The following AZI2 variants were observed in gnomAD, a reference collection of about 807,000 sequenced individuals.
The protein encoded by AZI2 is 5-azacytidine-induced protein 2.
A neutral mutation model predicts 45.8 loss-of-function variants in AZI2; 22 were observed. That is an observed-to-expected ratio of 0.48 (90% CI 0.34 to 0.69). The LOEUF is 0.69. Ranked by LOEUF, AZI2 falls within the 30% of genes least tolerant of loss-of-function variation. The pLI is 0.01. For synonymous variants in AZI2, 137 were observed against 156.7 expected (o/e 0.87, Z 0.94); for missense variants, 417 against 441.5 (o/e 0.94, Z 0.50).
chr3:28,323,962 T>A lies in AZI2; in HGVS notation c.*80A>T, dbSNP rs185304972. The A allele has an allele frequency of 1.4e-4, 201 of 1,450,666 alleles. 3 individuals carry two copies. In the African/African-American group the frequency reaches 2.5e-3, roughly 18 times the overall value. The allele number at this position is 1,450,666 out of a possible 1,614,324, so 89.9% of individuals were successfully genotyped here. A position where few individuals can be genotyped will look rare whatever the true frequency, so the allele number is the denominator to read the frequency against. On this transcript the variant is annotated 3_prime_UTR_variant, in exon 8 of 8. Transcript: ENST00000479665. The stretch of plus-strand genomic sequence containing the variant: ...GCAAAATTTTAATCAAAATCTCCTT[T>A]CAGTTTGTTAAATAATTTCTTGGGA...
intron 6 of AZI2, chr3:28,332,100 C>T: frequency 1.6e-6 from 1 of 613,538 alleles, no homozygotes; most frequent in Non-Finnish European, 2.8e-6. Flanking sequence ...AATACCTCCA[C>T]ATAGCTAGTT....
At chr3:28,337,100 A>C (rs1703824786) in intron 4 of AZI2, 1 of 501,092 alleles carries the variant, frequency 2.0e-6, no homozygotes, top group Non-Finnish European at 3.4e-6. Context: ...GAATTTCTAA[A>C]GACAACTACA....
intron 4 of AZI2, 174 bp from the exon 5 acceptor site, chr3:28,337,059 G>T: frequency 3.3e-6 from 2 of 598,104 alleles, no homozygotes; most frequent in Non-Finnish European, 5.3e-6. Context: ...TCTATGCTAA[G>T]GAGAATGAGA....
At chr3:28,329,847 A>T (rs763387154) in intron 6 of AZI2, among the ~76,000 whole-genome samples, 3 of 151,192 alleles carry the variant, frequency 2.0e-5, no homozygotes, top group Non-Finnish European at 4.4e-5. Context: ...CCCAAAGAAA[A>T]CAAGTTCTAA....
rs1703282155 is a variant in AZI2 at position 28,324,007 on chromosome 3, G to C, written c.*35C>G. The C allele has an allele frequency of 1.3e-6, 2 of 1,554,420 alleles. No homozygotes were observed. The highest frequency in any genetic ancestry group is 8.8e-7 in the Non-Finnish European group (1 of 1,141,402). ...TTGGGAGGACCACTGAAAGAGATAA[G>C]TGTCCTCATGGTGAAATCGTGAATC... On this transcript the variant is annotated 3_prime_UTR_variant, in exon 8 of 8. Transcript: ENST00000479665.
Position 28,321,183 on chromosome 3 carries a change from G to C in AZI2, c.*2859C>G, listed in dbSNP as rs1703175824. 6.6e-6 allele frequency: 1 copy of C among 151,372 alleles called. No individual in the cohort carries two copies. The highest frequency in any genetic ancestry group is 2.4e-5 in the African/African-American group (1 of 41,326). 9.4% of individuals were successfully genotyped at this position (151,372 alleles called of 1,614,324 possible). A position where few individuals can be genotyped will look rare whatever the true frequency, so the allele number is the denominator to read the frequency against. On this transcript the variant is annotated 3_prime_UTR_variant, in exon 8 of 8. Transcript: ENST00000479665. ...AAAGCAAAGCAAATATAGAAATCTA[G>C]AGACCACACAGCATAGGGGCAAACA...
At chr3:28,340,296 A>T in intron 2 of AZI2, 106 bp downstream of exon 2, 1 of 778,590 alleles carries the variant, frequency 1.3e-6, no homozygotes, top group South Asian at 1.9e-5. Context: ...TATTCTTGGA[A>T]ATTTAGTACA....
rs936580214 is a variant in AZI2 at position 28,323,582 on chromosome 3, CTT to C, written c.*458_*459del. ...TTTTATTTCATTATATTTTCAATAT[CTT>C]TACGCATTATAACAACAGAAATGTA... On this transcript the variant is annotated 3_prime_UTR_variant, in exon 8 of 8. Coordinates refer to ENST00000479665, the MANE Select transcript of AZI2 (RefSeq NM_022461.5). 7 of 152,118 alleles carry C rather than the reference CTT, an allele frequency of 4.6e-5. No individual in the cohort carries two copies. The highest frequency in any genetic ancestry group is 6.8e-3 in the Middle Eastern group (2 of 294). 9.4% of individuals were successfully genotyped at this position (152,118 alleles called of 1,614,324 possible).
chr3:28,345,155 G>A (rs528600230), intron 1 of AZI2, among the ~76,000 whole-genome samples: 2 of 152,188 alleles, frequency 1.3e-5, no homozygotes, highest in South Asian at 4.1e-4. Flanking sequence ...TATCTGGGGT[G>A]AAAAACTGCA....
chr3:28,329,328 GTCTAATGACTGA>G (rs1466671194), intron 6 of AZI2, among the ~76,000 whole-genome samples: 6 of 150,930 alleles, frequency 4.0e-5, no homozygotes, highest in Admixed American at 2.0e-4. Flanking sequence ...ACTTAACCCG[GTCTAATGACTGA>G]TCACTGCCCT....
At chr3:28,328,486 G>T (rs1303301607) in intron 6 of AZI2, among the ~76,000 whole-genome samples, 2 of 151,084 alleles carry the variant, frequency 1.3e-5, no homozygotes, top group Admixed American at 1.3e-4. Flanking sequence ...CTGTTTTAGA[G>T]AAAAGAAGAG....
intron 6 of AZI2, among the ~76,000 whole-genome samples, chr3:28,330,441 T>C (rs908502592): frequency 1.3e-5 from 2 of 151,358 alleles, no homozygotes; most frequent in African/African-American, 2.4e-5. Flanking sequence ...AATATCCCTA[T>C]ATACTTTCTC....
chr3:28,323,109 A>C lies in AZI2; in HGVS notation c.*933T>G, dbSNP rs1703240278. On this transcript the variant is annotated 3_prime_UTR_variant, in exon 8 of 8. Transcript: ENST00000479665. Reference sequence around the variant, plus strand: ...AATAATAATTTTAAATCACTTTCTCAATAAATAGAATATTACATTTCAACA... The same window carrying C: ...AATAATAATTTTAAATCACTTTCTCCATAAATAGAATATTACATTTCAACA... 1 of 151,166 alleles carries C rather than the reference A, an allele frequency of 6.6e-6. No homozygotes were observed. The highest frequency in any genetic ancestry group is 2.4e-5 in the African/African-American group (1 of 41,306). The allele number at this position is 151,166 out of a possible 1,614,324, so 9.4% of individuals were successfully genotyped here.
chr3:28,344,037 CTATA>C (rs1399944575), intron 1 of AZI2, among the ~76,000 whole-genome samples: 1 of 151,852 alleles, frequency 6.6e-6, no homozygotes, highest in Admixed American at 6.6e-5. Flanking sequence ...TACCATTATT[CTATA>C]TATTTATTCT....
chr3:28,329,448 A>T (rs1703497994), intron 6 of AZI2, among the ~76,000 whole-genome samples: 1 of 151,154 alleles, frequency 6.6e-6, no homozygotes, highest in African/African-American at 2.4e-5. Context: ...CTCAGTATAA[A>T]ACTTCACATC....
Position 28,340,532 on chromosome 3 carries a change from T to C in AZI2, c.86A>G (p.Tyr29Cys). ...KRDTVTPVSI[Y>C]SGDESVASHF... The stretch of plus-strand genomic sequence containing the variant: ...GGAAGCAACAGATTCATCTCCTGAA[T>C]ATATTGAAACTGGAGTCACTGTATC... The change falls in exon 2 of 8, where the codon TAT becomes TGT. Residue 29 changes from tyrosine (Y) to cysteine (C), a missense_variant. Physicochemically the swap from Tyr to Cys is radical, Grantham distance 194. Transcript: ENST00000479665. The C allele has an allele frequency of 6.2e-7, 1 of 1,613,122 alleles. No individual in the cohort carries two copies. The highest frequency in any genetic ancestry group is 8.5e-7 in the Non-Finnish European group (1 of 1,179,308).
At position 28,340,555 on chromosome 3, in the gene AZI2, A is replaced by G. The variant is rs1252121817; in HGVS notation, c.63T>C (p.Asp21=). ...AATATATTGAAACTGGAGTCACTGT[A>G]TCTCTCTTATGGGCTTTTTCATGAT... The part of the protein sequence containing the change: ...ILNHEKAHKR[D]TVTPVSIYSG... The change falls in exon 2 of 8, where the codon GAT becomes GAC. Residue 21 remains aspartate (D), a synonymous_variant. Transcript: ENST00000479665. 6.2e-7 allele frequency: 1 copy of G among 1,613,266 alleles called. No individual in the cohort carries two copies. The highest frequency in any genetic ancestry group is 8.5e-7 in the Non-Finnish European group (1 of 1,179,468).
chr3:28,331,533 CCT>C (rs755826209), intron 6 of AZI2, among the ~76,000 whole-genome samples: 1 of 151,440 alleles, frequency 6.6e-6, no homozygotes, highest in Non-Finnish European at 1.5e-5. Context: ...TCTGCCAACC[CCT>C]GATCTAGAAG....
chr3:28,326,173 G>T lies in AZI2; in HGVS notation c.766+659C>A, dbSNP rs897771435. Among the ~76,000 whole-genome samples, 3 of 150,938 alleles carry T rather than the reference G, an allele frequency of 2.0e-5. No homozygotes were observed. In the East Asian group the frequency reaches 5.8e-4, roughly 29 times the overall value. ...ATGTAATACTAGGTACAAATGTACT[G>T]ATTTTTCTCCAAGGTATAAAAATAG... On this transcript the variant is annotated intron_variant, in intron 7 of 7. Transcript: ENST00000479665.
Sources: gnomAD v4.1 joint callset for allele counts (sites outside exome capture counted in the v4.1 genomes callset) on GRCh38, gnomAD v4.1.1 for gene constraint, MANE v1.5 for transcripts, NCBI Gene and HGNC (gene_info 2026-07-23, HGNC 2026-07-21) for gene names.